CD300A: variants seen among roughly 807,000 people sequenced by gnomAD.
CD300A encodes CD300a molecule, also known as CMRF35-like molecule 8.
In CD300A, 22 loss-of-function variants were observed where a neutral mutation model predicts 33.6. The ratio of observed to expected loss-of-function variants is 0.66; its 90% CI spans 0.47 to 0.94. The LOEUF (loss-of-function observed/expected upper bound fraction) is 0.94. CD300A is among the 40% of genes least tolerant of loss of function. The pLI, the probability that CD300A is intolerant of heterozygous loss-of-function variation, is 0.00. For missense variants in CD300A, 326 were observed against 360.5 expected, an observed-to-expected ratio of 0.90 and a Z score of 0.77; for synonymous variants, 136 against 148.1, an observed-to-expected ratio of 0.92 and a Z score of 0.59.
At chr17:74,474,771 C>A in intron 3 of CD300A, 86 bp downstream of exon 3, 1 of 1,426,340 alleles carries the variant, frequency 7.0e-7, no homozygotes, top group East Asian at 2.3e-5. Flanking sequence ...TGTGGGCCAG[C>A]TGGAGGTGTG....
At chr17:74,482,719 T>TTTCGTTCTTTCGTTCTTTCGTTCTTTCG (rs1906973575) in intron 6 of CD300A, among the ~76,000 whole-genome samples, 1 of 137,756 alleles carries the variant, frequency 7.3e-6, no homozygotes, top group African/African-American at 3.1e-5. Context: ...TCTTTCTTTC[T>TTTCGTTCTTTCGTTCTTTCGTTCTTTCG]TTCTTTCTTT....
intron 4 of CD300A, among the ~76,000 whole-genome samples, chr17:74,478,123 T>A (rs1478339909): frequency 6.6e-6 from 1 of 152,152 alleles, no homozygotes; most frequent in Non-Finnish European, 1.5e-5. Context: ...TCCTTCTGGG[T>A]TTGCTCTGGG....
chr17:74,483,033 G>A (rs144092586), intron 6 of CD300A, among the ~76,000 whole-genome samples: 4 of 152,168 alleles, frequency 2.6e-5, no homozygotes, highest in African/African-American at 7.2e-5. Context: ...GTTTCTGAGC[G>A]CCCCTGCACT....
At position 74,480,456 on chromosome 17, in the gene CD300A, C is replaced by T. The variant is rs8077750; in HGVS notation, c.629-833C>T. Among the ~76,000 whole-genome samples the T allele has an allele frequency of 0.011, 1,657 of 152,274 alleles. 13 individuals carry two copies. The highest frequency in any genetic ancestry group is 0.038 in the African/African-American group (1,567 of 41,556). ...AGGCAGCACCCTTATAGAGCAGGTGCCAGCAGCCAAGGGCTGTGTGAGCCT... is the reference window on the plus strand; with the variant it reads ...AGGCAGCACCCTTATAGAGCAGGTGTCAGCAGCCAAGGGCTGTGTGAGCCT... On this transcript the variant is annotated intron_variant, in intron 4 of 6. Coordinates refer to ENST00000360141, the MANE Select transcript of CD300A (RefSeq NM_007261.4). This position sits in a 1 kb window ranked among gnomAD's most constrained non-coding sequence, Gnocchi z 4.2.
At position 74,466,709 on chromosome 17, in the gene CD300A, G is replaced by C. The variant is rs754429094; in HGVS notation, c.6G>C (p.Trp2Cys). ...CCTGTGCTGGGGAAGGGACCATGTG[G>C]CTGCCTTGGGCTCTGTTGCTTCTCT... is the stretch of plus-strand genomic sequence containing the variant. MWLPWALLLLWV... is the reference protein window; with the variant it reads MCLPWALLLLWV... Residue 2 changes from tryptophan (W) to cysteine (C), a missense_variant, in exon 1 of 7, where the codon TGG becomes TGC. Trp to Cys is a radical substitution (Grantham distance 215, BLOSUM62 -2). Coordinates refer to ENST00000360141, the MANE Select transcript of CD300A (RefSeq NM_007261.4). The C allele has an allele frequency of 2.9e-5, 46 of 1,596,390 alleles. No homozygotes were observed. The East Asian group carries it at 1.0e-3, about 36-fold the overall frequency.
rs747761277 is a variant in CD300A, at chr17:74,466,718, G to T, written c.15G>T (p.Trp5Cys). The change falls in exon 1 of 7, where the codon TGG becomes TGT. Residue 5 changes from tryptophan (W) to cysteine (C), a missense_variant. Trp to Cys is a radical substitution (Grantham distance 215). Coordinates refer to ENST00000360141, the MANE Select transcript of CD300A (RefSeq NM_007261.4). MWLP[W>C]ALLLLWVPGC... ...GGGAAGGGACCATGTGGCTGCCTTG[G>T]GCTCTGTTGCTTCTCTGGGTCCCAG... The T allele has an allele frequency of 4.4e-6, 7 of 1,596,996 alleles. No individual in the cohort carries two copies. Among genetic ancestry groups the T allele is most frequent in the Non-Finnish European group, 6.0e-6 (7 of 1,171,446 alleles).
rs1906771437 is a variant in CD300A at position 74,480,583 on chromosome 17, C to A, written c.629-706C>A. ...CAGACCTCAGGCACGGGGATGGGAG[C>A]AGAGGCCCCAGCAACTTCCCACAGT... On this transcript the variant is annotated intron_variant, in intron 4 of 6. Coordinates refer to ENST00000360141, the MANE Select transcript of CD300A (RefSeq NM_007261.4). This position sits in a 1 kb window ranked among gnomAD's most constrained non-coding sequence, Gnocchi z 4.2. Among the ~76,000 whole-genome samples the A allele has an allele frequency of 6.6e-6, 1 of 152,180 alleles. No homozygotes were observed. The highest frequency in any genetic ancestry group is 1.5e-5 in the Non-Finnish European group (1 of 68,022).
At position 74,466,692 on chromosome 17, in the gene CD300A, G is replaced by T; in HGVS notation, c.-12G>T. 1 of 1,593,864 alleles carries T rather than the reference G, an allele frequency of 6.3e-7. No individual in the cohort carries two copies. The stretch of plus-strand genomic sequence containing the variant: ...AGCTGCTGCAAGTGCCGCCTGTGCT[G>T]GGGAAGGGACCATGTGGCTGCCTTG... On this transcript the variant is annotated 5_prime_UTR_variant, in exon 1 of 7. Transcript: ENST00000360141.
At chr17:74,468,009 T>TTTTA (rs138029210) in intron 1 of CD300A, among the ~76,000 whole-genome samples, 5,290 of 146,384 alleles carry the variant, frequency 0.036, 97 homozygotes, top group Non-Finnish European at 0.044. Flanking sequence ...GCATTTTTAC[T>TTTTA]TTTATTTATT....
At chr17:74,481,596 T>A in intron 5 of CD300A, 130 bp from the exon 6 acceptor site, 1 of 706,864 alleles carries the variant, frequency 1.4e-6, no homozygotes, top group South Asian at 1.7e-5. Flanking sequence ...CGGAGTGGGG[T>A]GGAGGCAGGA....
chr17:74,466,976 CG>C, intron 1 of CD300A: 2 of 1,405,976 alleles, frequency 1.4e-6, no homozygotes, highest in Non-Finnish European at 1.9e-6. Flanking sequence ...TGAACCACAG[CG>C]GGGCAAGTGA....
chr17:74,477,707 G>A (rs927241240), intron 4 of CD300A, among the ~76,000 whole-genome samples, 177 bp downstream of exon 4: 2 of 152,148 alleles, frequency 1.3e-5, no homozygotes, highest in Non-Finnish European at 1.5e-5. Flanking sequence ...CTTGTGCGTG[G>A]TGGTTACAGG....
At chr17:74,466,584 C>T (rs1256320647), upstream of CD300A, 1 of 1,181,228 alleles carries the variant, frequency 8.5e-7, no homozygotes, top group Non-Finnish European at 1.2e-6. Flanking sequence ...AGAAGCTGAA[C>T]AAGGAAGCAG....
chr17:74,471,680 A>G (rs1176056963), intron 1 of CD300A, among the ~76,000 whole-genome samples: 2 of 152,302 alleles, frequency 1.3e-5, no homozygotes, highest in Admixed American at 1.3e-4. Flanking sequence ...ACCTGTGACA[A>G]GCTTAGAAAG....
At chr17:74,482,973 G>C (rs759888329) in intron 6 of CD300A, among the ~76,000 whole-genome samples, 8 of 151,972 alleles carry the variant, frequency 5.3e-5, no homozygotes, top group African/African-American at 1.5e-4. Flanking sequence ...ACTTCCCAAA[G>C]TGCTGGGATT....
At chr17:74,470,292 AT>A in intron 1 of CD300A, 1 of 902,470 alleles carries the variant, frequency 1.1e-6, no homozygotes. Context: ...CAATCTCTAA[AT>A]TATAATGACA....
intron 5 of CD300A, 26 bp from the exon 6 acceptor site, chr17:74,481,700 C>A (rs781365018): frequency 1.3e-6 from 2 of 1,554,862 alleles, no homozygotes; most frequent in Non-Finnish European, 1.8e-6. Context: ...CCGTGGACAC[C>A]CACCTGGGAC....
At chr17:74,468,530 A>G (rs1286003441) in intron 1 of CD300A, among the ~76,000 whole-genome samples, 1 of 151,104 alleles carries the variant, frequency 6.6e-6, no homozygotes, top group East Asian at 2.0e-4. Flanking sequence ...ACAGGGTCTT[A>G]CCATGTTGCC....
At chr17:74,475,759 C>T (rs577631628) in intron 3 of CD300A, among the ~76,000 whole-genome samples, 72 of 152,250 alleles carry the variant, frequency 4.7e-4, no homozygotes, top group Non-Finnish European at 6.5e-4. Context: ...AGATGCCAGT[C>T]GAACTTTGGG....
Sources: allele counts gnomAD v4.1 joint callset (sites outside exome capture counted in the v4.1 genomes callset), GRCh38; gene constraint gnomAD v4.1.1; non-coding constraint Gnocchi (gnomAD v3.1); transcripts MANE v1.5; gene names NCBI Gene and HGNC (gene_info 2026-07-23, HGNC 2026-07-21).